LMAN2: variants seen among roughly 807,000 people sequenced by gnomAD.
LMAN2 encodes the protein vesicular integral-membrane protein VIP36.
Under a neutral mutation model 39.3 loss-of-function variants are expected in LMAN2, and 22 were observed. The ratio of observed to expected loss-of-function variants is 0.56; its 90% CI spans 0.40 to 0.80. The LOEUF (loss-of-function observed/expected upper bound fraction) is 0.80, where lower values mean the gene tolerates loss of function less well. Among genes scored for constraint, LMAN2 ranks in the 30% least tolerant of loss-of-function variants. The pLI is 0.00. For missense variants in LMAN2, 494 were observed against 505.4 expected (o/e 0.98, Z 0.22); for synonymous variants, 207 against 207.8 (o/e 1.00, Z 0.03).
Position 177,332,258 on chromosome 5 carries a change from G to A in LMAN2, c.911-12C>T. ...GTCGTCCACGTTGTCTGGGGGAGAA[G>A]AAACGGGGGAGCTGAAACGGCAGCA... is the stretch of plus-strand genomic sequence containing the variant. On this transcript the variant is annotated splice_polypyrimidine_tract_variant and intron_variant, in intron 7 of 7. Transcript: ENST00000303127. This position sits in a 1 kb window ranked among gnomAD's most constrained non-coding sequence, Gnocchi z 6.3. 6.2e-7 allele frequency: 1 copy of A among 1,610,426 alleles called. No individual in the cohort carries two copies. Among genetic ancestry groups the A allele is most frequent in the Non-Finnish European group, 8.5e-7 (1 of 1,178,742 alleles).
chr5:177,351,472 G>A lies in LMAN2; in HGVS notation c.176C>T (p.Ser59Leu). Residue 59 changes from serine to leucine, a missense_variant, in exon 1 of 8, where the codon TCG becomes TTG. Physicochemically the swap from Ser to Leu is moderately radical, Grantham distance 145 (BLOSUM62 -2). Coordinates refer to ENST00000303127, the MANE Select transcript of LMAN2 (RefSeq NM_006816.3). Reference sequence around the variant, plus strand: ...TTCACCTTGGTAGGGCTTAATGAGCGAATGCTCCCGCTTGAGATGTTCACT... The same window carrying A: ...TTCACCTTGGTAGGGCTTAATGAGCAAATGCTCCCGCTTGAGATGTTCACT... ...GNSEHLKREH[S>L]LIKPYQGVGS... is the part of the protein sequence containing the mutation. 1 of 1,613,532 alleles carries A rather than the reference G, an allele frequency of 6.2e-7. No individual in the cohort carries two copies.
chr5:177,348,130 T>C (rs942163749), intron 2 of LMAN2, among the ~76,000 whole-genome samples: 1 of 152,122 alleles, frequency 6.6e-6, no homozygotes, highest in African/African-American at 2.4e-5. Context: ...TGAGATCTCA[T>C]GTTTCAAAAA....
intron 2 of LMAN2, among the ~76,000 whole-genome samples, chr5:177,345,578 A>T (rs1761623502): frequency 6.6e-6 from 1 of 152,000 alleles, no homozygotes; most frequent in African/African-American, 2.4e-5. Context: ...AAAATGTATC[A>T]TGCAAACACT....
At chr5:177,343,711 TTA>T (rs561488549) in intron 2 of LMAN2, among the ~76,000 whole-genome samples, 17 of 152,330 alleles carry the variant, frequency 1.1e-4, no homozygotes, top group African/African-American at 4.1e-4. Flanking sequence ...ATGCCTCCAT[TTA>T]TCATTTATGT....
In LMAN2 at chr5:177,334,320, T is replaced by C; in HGVS notation, c.874A>G (p.Ile292Val). 6.2e-7 allele frequency: 1 copy of C among 1,613,058 alleles called. No homozygotes were observed. The highest frequency in any genetic ancestry group is 1.1e-5 in the South Asian group (1 of 91,036). The stretch of plus-strand genomic sequence containing the variant: ...TTGAGGAAGTTGACGCTGGGCTCGA[T>C]CTTGGTCCAGTCGATGCTCTCCTCG... ...PDEESIDWTK[I>V]EPSVNFLKSP... The change falls in exon 7 of 8, where the codon ATC becomes GTC. Residue 292 changes from isoleucine (I) to valine (V), a missense_variant. Ile to Val is a conservative substitution (Grantham distance 29, BLOSUM62 3). Coordinates refer to ENST00000303127, the MANE Select transcript of LMAN2 (RefSeq NM_006816.3).
chr5:177,336,469 G>A (rs1387000603), intron 6 of LMAN2, among the ~76,000 whole-genome samples: 3 of 152,244 alleles, frequency 2.0e-5, no homozygotes, highest in African/African-American at 7.2e-5. Context: ...GCTGGTGAAG[G>A]AGGGGACCAC....
chr5:177,344,366 C>G (rs1761604318), intron 2 of LMAN2, among the ~76,000 whole-genome samples: 1 of 146,072 alleles, frequency 6.8e-6, no homozygotes, highest in Admixed American at 6.9e-5. Flanking sequence ...CTCACTGCAA[C>G]CTCTGCCTCC....
At chr5:177,351,121 A>G (rs1761715912) in intron 2 of LMAN2, 52 bp downstream of exon 2, 6 of 1,519,000 alleles carry the variant, frequency 3.9e-6, no homozygotes, top group Non-Finnish European at 5.5e-6. Flanking sequence ...CTCGGGAGGC[A>G]GGGACTAGCA....
At position 177,338,418 on chromosome 5, in the gene LMAN2, C is replaced by G. The variant is rs1046334992; in HGVS notation, c.433+70G>C. On this transcript the variant is annotated intron_variant, in intron 3 of 7. Transcript: ENST00000303127. ...CGAGCCACAGGCAGCCCCACCCCAC[C>G]TCCCTAGGGGGCCAGCAGCCATGCC... The G allele has an allele frequency of 1.4e-5, 18 of 1,308,664 alleles. No homozygotes were observed. In the African/African-American group the frequency reaches 2.3e-4, roughly 17 times the overall value. The allele number at this position is 1,308,664 out of a possible 1,614,324, so 81.1% of individuals were successfully genotyped here.
At chr5:177,339,711 A>T (rs1761524542) in intron 2 of LMAN2, among the ~76,000 whole-genome samples, 1 of 152,244 alleles carries the variant, frequency 6.6e-6, no homozygotes, top group Non-Finnish European at 1.5e-5. Flanking sequence ...AGAGAAATGA[A>T]TACAGGAGTA....
intron 3 of LMAN2, among the ~76,000 whole-genome samples, chr5:177,338,239 C>T (rs1163113083): frequency 6.6e-6 from 1 of 152,210 alleles, no homozygotes; most frequent in Non-Finnish European, 1.5e-5. Flanking sequence ...AATGGTAAAA[C>T]CAGGCCAATG....
At chr5:177,336,279 G>A (rs1297045286) in intron 6 of LMAN2, among the ~76,000 whole-genome samples, 4 of 152,192 alleles carry the variant, frequency 2.6e-5, no homozygotes, top group Non-Finnish European at 5.9e-5. Context: ...CCAGGCAGCA[G>A]CTGGAAGCCA....
At chr5:177,338,168 A>G (rs1761502015) in intron 3 of LMAN2, among the ~76,000 whole-genome samples, 2 of 152,188 alleles carry the variant, frequency 1.3e-5, no homozygotes, top group African/African-American at 4.8e-5. Flanking sequence ...TCTGTGGGCC[A>G]CATGCAGTCA....
At chr5:177,351,349 G>C in intron 1 of LMAN2, 58 bp from the exon 2 acceptor site, 1 of 1,608,384 alleles carries the variant, frequency 6.2e-7, no homozygotes, top group Non-Finnish European at 8.5e-7. Flanking sequence ...CCAGAGGCAG[G>C]AAACCCACAG....
At chr5:177,348,206 A>AT (rs1761663919) in intron 2 of LMAN2, among the ~76,000 whole-genome samples, 1 of 152,210 alleles carries the variant, frequency 6.6e-6, no homozygotes, top group African/African-American at 2.4e-5. Flanking sequence ...GTGTGTACAG[A>AT]TAATTATAAT....
At position 177,332,354 on chromosome 5, in the gene LMAN2, C is replaced by T; in HGVS notation, c.911-108G>A. 1.9e-6 allele frequency: 2 copies of T among 1,028,946 alleles called. No individual in the cohort carries two copies. The highest frequency in any genetic ancestry group is 2.8e-6 in the Non-Finnish European group (2 of 702,214). The allele number at this position is 1,028,946 out of a possible 1,614,324, so 63.7% of individuals were successfully genotyped here. ...AGGACAGCCGGCCACGGTGGGCAGG[C>T]CGGTCGTACTCACCCCCCTCACCGG... On this transcript the variant is annotated intron_variant, in intron 7 of 7. Transcript: ENST00000303127. This position sits in a 1 kb window ranked among gnomAD's most constrained non-coding sequence, Gnocchi z 6.3.
At chr5:177,351,372 C>T in intron 1 of LMAN2, 80 bp downstream of exon 1, 3 of 1,605,796 alleles carry the variant, frequency 1.9e-6, no homozygotes, top group Non-Finnish European at 2.6e-6. Flanking sequence ...ATGCTCTGCT[C>T]AGGAGAAAGG....
chr5:177,335,991 C>T (rs751338639), intron 6 of LMAN2, among the ~76,000 whole-genome samples: 2 of 152,170 alleles, frequency 1.3e-5, no homozygotes, highest in Admixed American at 6.5e-5. Flanking sequence ...CCCCAGTGCT[C>T]GCTGAGCACC....
chr5:177,343,579 A>C (rs1761589591), intron 2 of LMAN2, among the ~76,000 whole-genome samples: 1 of 152,240 alleles, frequency 6.6e-6, no homozygotes, highest in Admixed American at 6.5e-5. Flanking sequence ...ACACACACAC[A>C]CACACACACA....
Sources: gnomAD v4.1 joint callset for allele counts (sites outside exome capture counted in the v4.1 genomes callset) on GRCh38, gnomAD v4.1.1 for gene constraint, Gnocchi (gnomAD v3.1) non-coding constraint, MANE v1.5 for transcripts, NCBI Gene and HGNC (gene_info 2026-07-23, HGNC 2026-07-21) for gene names.